Variants in PTPRT observed in about 807,000 individuals in gnomAD.
PTPRT encodes protein tyrosine phosphatase receptor type T.
Under a neutral mutation model 176.8 loss-of-function variants are expected in PTPRT, and 56 were observed. That is an observed-to-expected ratio of 0.32 (90% CI 0.26 to 0.40). The LOEUF (loss-of-function observed/expected upper bound fraction) is 0.40, where lower values mean the gene tolerates loss of function less well. Ranked by LOEUF, PTPRT falls within the 10% of genes least tolerant of loss-of-function variation. The probability of loss-of-function intolerance (pLI) is 1.00; values close to 1 mark genes in which losing one functional copy is unlikely to be tolerated. For synonymous variants in PTPRT, 783 were observed against 739.0 expected (o/e 1.06, Z -0.96); for missense variants, 1,540 against 1,908.2 (o/e 0.81, Z 3.60).
intron 6 of PTPRT, chr20:42,687,517 C>A (rs2146104591): frequency 6.6e-6 from 1 of 152,326 alleles, no homozygotes; most frequent in Non-Finnish European, 1.5e-5. Flanking sequence ...GCAGAGTAAA[C>A]ATTCTAGAAG....
intron 15 of PTPRT, among the ~76,000 whole-genome samples, chr20:42,210,501 A>G (rs1429054606): frequency 6.6e-6 from 1 of 152,186 alleles, no homozygotes; most frequent in Admixed American, 6.5e-5. Flanking sequence ...TTATACACCA[A>G]CAGACAAACA....
chr20:42,596,749 C>T lies in PTPRT; in HGVS notation c.1153+81117G>A, dbSNP rs141349566. ...CAAATATGAGAAATGTGCAACCTTA[C>T]TTCTAATTGAGGGCCACAAATTAAA... On this transcript the variant is annotated intron_variant, in intron 7 of 30. Transcript: ENST00000373187. Among the ~76,000 whole-genome samples the T allele has an allele frequency of 7.6e-3, 1,164 of 152,306 alleles. 7 individuals carry two copies. The highest frequency in any genetic ancestry group is 0.027 in the African/African-American group (1,114 of 41,564).
chr20:42,499,667 C>A (rs1421552861), intron 7 of PTPRT, among the ~76,000 whole-genome samples: 1 of 152,160 alleles, frequency 6.6e-6, no homozygotes, highest in East Asian at 1.9e-4. Flanking sequence ...CTACATCTTT[C>A]ATGACATACT....
intron 3 of PTPRT, among the ~76,000 whole-genome samples, chr20:42,786,034 T>C (rs1029382948): frequency 6.6e-6 from 1 of 152,184 alleles, no homozygotes; most frequent in South Asian, 2.1e-4. Context: ...CTGAATGAGT[T>C]ATCACAAGAT....
At chr20:42,504,524 C>A (rs1436097219) in intron 7 of PTPRT, among the ~76,000 whole-genome samples, 1 of 151,956 alleles carries the variant, frequency 6.6e-6, no homozygotes, top group Non-Finnish European at 1.5e-5. Flanking sequence ...TATCATTTTG[C>A]TTTCAGTCTA....
chr20:42,944,738 C>G lies in PTPRT; in HGVS notation c.89-58806G>C, dbSNP rs116162736. ...CGTCTCCCCAGAGAATCTGTCCCAA[C>G]TACCGTATATCAAGTCCACAGTTGA... On this transcript the variant is annotated intron_variant, in intron 1 of 30. Coordinates refer to ENST00000373187, the MANE Select transcript of PTPRT (RefSeq NM_007050.6). Among the ~76,000 whole-genome samples the G allele has an allele frequency of 3.9e-3, 590 of 152,318 alleles. 2 individuals are homozygous for G. The highest frequency in any genetic ancestry group is 0.013 in the African/African-American group (557 of 41,566).
At chr20:42,660,917 T>C in intron 7 of PTPRT, among the ~76,000 whole-genome samples, 1 of 152,186 alleles carries the variant, frequency 6.6e-6, no homozygotes, top group Non-Finnish European at 1.5e-5. Context: ...AGTGGCATGA[T>C]GTCGGCTCAC....
intron 7 of PTPRT, among the ~76,000 whole-genome samples, chr20:42,566,912 C>A (rs1261597451): frequency 6.6e-6 from 1 of 152,102 alleles, no homozygotes; most frequent in Non-Finnish European, 1.5e-5. Context: ...TAGATGGGGA[C>A]TCTCTATATT....
chr20:42,832,898 G>A (rs1395811311), intron 2 of PTPRT, among the ~76,000 whole-genome samples: 1 of 151,028 alleles, frequency 6.6e-6, no homozygotes, highest in Non-Finnish European at 1.5e-5. Context: ...GAGCCGAGGA[G>A]TTTGAGATCA....
intron 22 of PTPRT, among the ~76,000 whole-genome samples, chr20:42,113,251 G>A (rs1033858141): frequency 6.6e-6 from 1 of 152,210 alleles, no homozygotes; most frequent in Non-Finnish European, 1.5e-5. Flanking sequence ...TGTAACACGA[G>A]AAAGGACCTT....
intron 7 of PTPRT, among the ~76,000 whole-genome samples, chr20:42,589,339 A>C (rs1216906647): frequency 6.6e-6 from 1 of 152,214 alleles, no homozygotes; most frequent in Non-Finnish European, 1.5e-5. Flanking sequence ...AGCTTTCTCC[A>C]TTAGCAAGAG....
At chr20:42,080,992 A>G in intron 30 of PTPRT, 60 bp from the exon 31 acceptor site, 1 of 1,396,618 alleles carries the variant, frequency 7.2e-7, no homozygotes, top group South Asian at 1.2e-5. Flanking sequence ...GAGATGAAAA[A>G]GGAAAGGGAA....
intron 27 of PTPRT, among the ~76,000 whole-genome samples, chr20:42,097,833 G>A (rs986972192): frequency 2.6e-5 from 4 of 152,220 alleles, no homozygotes; most frequent in African/African-American, 4.8e-5. Flanking sequence ...CAAGATACAC[G>A]TCCTGTGTCC....
chr20:42,055,690 G>A, the PTPRT span, among the ~76,000 whole-genome samples: 1 of 152,146 alleles, frequency 6.6e-6, no homozygotes, highest in African/African-American at 2.4e-5. Flanking sequence ...ACAAAGGGAG[G>A]ACCATGGGGG....
At chr20:43,146,974 A>T (rs1568811938) in intron 1 of PTPRT, among the ~76,000 whole-genome samples, 1 of 152,116 alleles carries the variant, frequency 6.6e-6, no homozygotes, top group East Asian at 1.9e-4. Flanking sequence ...GCTCCAGTGA[A>T]CTTCTCTGAC....
At chr20:42,039,178 C>T in the PTPRT span, among the ~76,000 whole-genome samples, 1 of 151,972 alleles carries the variant, frequency 6.6e-6, no homozygotes, top group East Asian at 1.9e-4. Flanking sequence ...TTCTTTTGTC[C>T]CCATTTAAAA....
chr20:42,135,664 G>A (rs968720994), intron 18 of PTPRT, among the ~76,000 whole-genome samples: 1 of 152,108 alleles, frequency 6.6e-6, no homozygotes, highest in African/African-American at 2.4e-5. Flanking sequence ...GGTGGGATAC[G>A]GAAATTTAGC....
intron 7 of PTPRT, among the ~76,000 whole-genome samples, chr20:42,659,309 T>C (rs1485245764): frequency 6.6e-6 from 1 of 152,190 alleles, no homozygotes; most frequent in Non-Finnish European, 1.5e-5. Flanking sequence ...CTTTCATCTA[T>C]CTTTGGAATA....
intron 13 of PTPRT, among the ~76,000 whole-genome samples, chr20:42,269,533 C>A (rs1199757343): frequency 6.6e-6 from 1 of 152,168 alleles, no homozygotes; most frequent in Non-Finnish European, 1.5e-5. Flanking sequence ...CTTTTGAGCC[C>A]CACGATGGAC....
Sources: gnomAD v4.1 joint callset for allele counts (sites outside exome capture counted in the v4.1 genomes callset) on GRCh38, gnomAD v4.1.1 for gene constraint, MANE v1.5 for transcripts, NCBI Gene and HGNC (gene_info 2026-07-23, HGNC 2026-07-21) for gene names.